The following STK36 variants were observed in gnomAD, a reference collection of about 807,000 sequenced individuals.
STK36 encodes serine/threonine-protein kinase 36.
STK36 carries 116 observed loss-of-function variants against 142.2 expected under a neutral mutation model. That is an observed-to-expected ratio of 0.82 (90% CI 0.70 to 0.95). STK36 has a LOEUF of 0.95. Among genes scored for constraint, STK36 ranks in the 40% least tolerant of loss-of-function variants. The probability of loss-of-function intolerance (pLI) is 0.00; values close to 1 mark genes in which losing one functional copy is unlikely to be tolerated. For missense variants in STK36, 1,422 were observed against 1,617.2 expected (o/e 0.88, Z 2.07); for synonymous variants, 619 against 641.7 (o/e 0.96, Z 0.53).
chr2:218,677,314 A>T (rs1940301033), intron 6 of STK36, among the ~76,000 whole-genome samples: 1 of 152,194 alleles, frequency 6.6e-6, no homozygotes, highest in Non-Finnish European at 1.5e-5. Flanking sequence ...GTCCTCCCCC[A>T]TGATCCAGTC....
At position 218,694,670 on chromosome 2, in the gene STK36, C is replaced by G; in HGVS notation, c.2511+35C>G. 1 of 1,577,080 alleles carries G rather than the reference C, an allele frequency of 6.3e-7. No homozygotes were observed. The highest frequency in any genetic ancestry group is 8.7e-7 in the Non-Finnish European group (1 of 1,146,496). On this transcript the variant is annotated intron_variant, in intron 21 of 26. Coordinates refer to ENST00000295709, the MANE Select transcript of STK36 (RefSeq NM_015690.5). The surrounding 1 kb of genome is among the most constrained non-coding windows in gnomAD (Gnocchi z 4.4). The stretch of plus-strand genomic sequence containing the variant: ...CCCAGGGAGGGCACAGACATGTTTT[C>G]TCTGAGTCAGACACTAGGACTGCAT...
Position 218,675,467 on chromosome 2 carries a change from A to C in STK36, c.428A>C (p.Asp143Ala). 1 of 1,605,854 alleles carries C rather than the reference A, an allele frequency of 6.2e-7. No homozygotes were observed. The highest frequency in any genetic ancestry group is 1.1e-5 in the South Asian group (1 of 90,900). ...LAKGGGIKLC[D>A]FGFARAMSTN... ...AAGGGTGGTGGCATCAAGCTCTGTG[A>C]CTTTGGGTAAAGATTCTGAGCATCC... Residue 143 changes from aspartate (D) to alanine (A), a missense_variant, in exon 5 of 27, where the codon GAC (aspartate) becomes GCC (alanine). Around this residue, in one of 2 missense-constraint regions of STK36, gnomAD observed 460 missense variants for 449.6 expected, o/e 1.02. Coordinates refer to ENST00000295709, the MANE Select transcript of STK36 (RefSeq NM_015690.5).
chr2:218,687,004 C>T (rs530012771), intron 11 of STK36, among the ~76,000 whole-genome samples: 5 of 152,276 alleles, frequency 3.3e-5, no homozygotes, highest in African/African-American at 1.2e-4. Flanking sequence ...AATTTACATT[C>T]CACTAATGAT....
At position 218,699,118 on chromosome 2, in the gene STK36, G is replaced by T. The variant is rs766383694; in HGVS notation, c.3574G>T (p.Ala1192Ser). 1.2e-6 allele frequency: 2 copies of T among 1,613,944 alleles called. No homozygotes were observed. The highest frequency in any genetic ancestry group is 1.7e-6 in the Non-Finnish European group (2 of 1,180,032). ...QAGPLGPALA[A>S]AVPSMTQLLG... is the part of the protein sequence containing the mutation. ...TGGTCCTCTGGGACCTGCCCTGGCA[G>T]CTGCAGTGCCCAGTATGACCCAGCT... Residue 1192 changes from alanine (A) to serine (S), a missense_variant, in exon 26 of 27, where the codon GCT becomes TCT. By Grantham distance (99) the Ala-to-Ser change is moderately conservative. Coordinates refer to ENST00000295709, the MANE Select transcript of STK36 (RefSeq NM_015690.5).
chr2:218,698,809 G>T lies in STK36; in HGVS notation c.3265G>T (p.Ala1089Ser). Residue 1089 changes from alanine to serine, a missense_variant, in exon 26 of 27, where the codon GCC becomes TCC. By Grantham distance (99) the Ala-to-Ser change is moderately conservative. Around this residue, in one of 2 missense-constraint regions of STK36, gnomAD observed 962 missense variants for 1,167.5 expected, o/e 0.82. Coordinates refer to ENST00000295709, the MANE Select transcript of STK36 (RefSeq NM_015690.5). Reference protein sequence around the residue: ...SDLLSLLAHTARVLSPSHLSF... With the variant: ...SDLLSLLAHTSRVLSPSHLSF... ...CCTTCTCTCTCTGCTGGCCCATACT[G>T]CCAGGGTCCTGTCTCCCAGCCACTT... 6.2e-7 allele frequency: 1 copy of T among 1,614,182 alleles called. No homozygotes were observed. The highest frequency in any genetic ancestry group is 8.5e-7 in the Non-Finnish European group (1 of 1,180,038).
At position 218,693,990 on chromosome 2, in the gene STK36, C is replaced by A; in HGVS notation, c.2336+7C>A. The stretch of plus-strand genomic sequence containing the variant: ...TCCAAAACCTGCCTTGTGGGTAAGT[C>A]ATAAAGTAGGGTGTCTCCACAGAAG... On this transcript the variant is annotated splice_region_variant and intron_variant, in intron 19 of 26. Coordinates refer to ENST00000295709, the MANE Select transcript of STK36 (RefSeq NM_015690.5). 1 of 1,614,052 alleles carries A rather than the reference C, an allele frequency of 6.2e-7. No individual in the cohort carries two copies. The highest frequency in any genetic ancestry group is 1.1e-5 in the South Asian group (1 of 91,070).
chr2:218,682,545 A>T (rs897195761), intron 10 of STK36, among the ~76,000 whole-genome samples: 23 of 151,886 alleles, frequency 1.5e-4, no homozygotes, highest in African/African-American at 4.4e-4. Context: ...CGTTATGAAA[A>T]TTTTTTTTCT....
At position 218,673,683 on chromosome 2, in the gene STK36, T is replaced by G. The variant is rs1327545889; in HGVS notation, c.143T>G (p.Leu48Trp). The change falls in exon 3 of 27, where the codon TTG becomes TGG. Residue 48 changes from leucine (L) to tryptophan (W), a missense_variant. By Grantham distance (61) the Leu-to-Trp change is moderately conservative. Around this residue, in one of 2 missense-constraint regions of STK36, gnomAD observed 460 missense variants for 449.6 expected, o/e 1.02. Coordinates refer to ENST00000295709, the MANE Select transcript of STK36 (RefSeq NM_015690.5). ...LGRSEKELRNLQREIEIMRGL... is the reference protein window; with the variant it reads ...LGRSEKELRNWQREIEIMRGL... ...CGCTCAGAGAAGGAGCTGAGGAATT[T>G]GCAACGAGAGATTGAAATAATGCGG... The G allele has an allele frequency of 6.2e-7, 1 of 1,614,172 alleles. No individual in the cohort carries two copies. The highest frequency in any genetic ancestry group is 1.1e-5 in the South Asian group (1 of 91,086).
chr2:218,691,564 CTT>C (rs150534089), intron 14 of STK36, among the ~76,000 whole-genome samples: 1 of 147,776 alleles, frequency 6.8e-6, no homozygotes, highest in Non-Finnish European at 1.5e-5. Flanking sequence ...CTTTTCTTTC[CTT>C]TTTTTTTTGG....
rs773355472 is a variant in STK36, at chr2:218,694,023, G to A, written c.2336+40G>A. On this transcript the variant is annotated intron_variant, in intron 19 of 26. Coordinates refer to ENST00000295709, the MANE Select transcript of STK36 (RefSeq NM_015690.5). This position sits in a 1 kb window ranked among gnomAD's most constrained non-coding sequence, Gnocchi z 4.4. ...AGGGTGTCTCCACAGAAGTCTTCTA[G>A]CCACATAGCTAACCCTCACAAAGAG... The A allele has an allele frequency of 2.5e-6, 4 of 1,584,034 alleles. No homozygotes were observed. Among genetic ancestry groups the A allele is most frequent in the Non-Finnish European group, 2.6e-6 (3 of 1,152,822 alleles).
chr2:218,697,510 C>G lies in STK36; in HGVS notation c.2809C>G (p.Pro937Ala). The G allele has an allele frequency of 6.2e-7, 1 of 1,614,174 alleles. No individual in the cohort carries two copies. The highest frequency in any genetic ancestry group is 1.3e-5 in the African/African-American group (1 of 75,044). The change falls in exon 24 of 27, where the codon CCC becomes GCC. Residue 937 changes from proline (P) to alanine (A), a missense_variant. Physicochemically the swap from Pro to Ala is conservative, Grantham distance 27. Around this residue, in one of 2 missense-constraint regions of STK36, gnomAD observed 962 missense variants for 1,167.5 expected, o/e 0.82. Coordinates refer to ENST00000295709, the MANE Select transcript of STK36 (RefSeq NM_015690.5). ...GGCCATGGCCACCTTTACCCAGGAG[C>G]CCCAGTTATGCCTGAGCTGCCTGTC... is the stretch of plus-strand genomic sequence containing the variant. ...SLAMATFTQE[P>A]QLCLSCLSQH...
chr2:218,684,106 CT>C (rs35807157), intron 10 of STK36, among the ~76,000 whole-genome samples: 5,534 of 105,122 alleles, frequency 0.053, 290 homozygotes, highest in African/African-American at 0.2. Context: ...GCCTCACGAT[CT>C]TTTTTTTTTT....
intron 10 of STK36, among the ~76,000 whole-genome samples, chr2:218,681,924 A>AT (rs564825759): frequency 1.6e-4 from 24 of 150,726 alleles, no homozygotes; most frequent in Non-Finnish European, 3.1e-4. Flanking sequence ...AACACTTTTT[A>AT]TTTATTTTTT....
At position 218,694,272 on chromosome 2, in the gene STK36, A is replaced by C; in HGVS notation, c.2345A>C (p.Lys782Thr). ...GTATCTCTTTATTCCAGAATGGAGAAGCTAGGCAGTGACGTTGCTACTCTC... is the reference window on the plus strand; with the variant it reads ...GTATCTCTTTATTCCAGAATGGAGACGCTAGGCAGTGACGTTGCTACTCTC... Reference protein sequence around the residue: ...RLQNLPCGMEKLGSDVATLFT... With the variant: ...RLQNLPCGMETLGSDVATLFT... The change falls in exon 20 of 27, where the codon AAG becomes ACG. Residue 782 changes from lysine (K) to threonine (T), a missense_variant. Physicochemically the swap from Lys to Thr is moderately conservative, Grantham distance 78. Around this residue, in one of 2 missense-constraint regions of STK36, gnomAD observed 962 missense variants for 1,167.5 expected, o/e 0.82. Coordinates refer to ENST00000295709, the MANE Select transcript of STK36 (RefSeq NM_015690.5). This position sits in a 1 kb window ranked among gnomAD's most constrained non-coding sequence, Gnocchi z 4.4. 1 of 1,613,976 alleles carries C rather than the reference A, an allele frequency of 6.2e-7. No individual in the cohort carries two copies. Among genetic ancestry groups the C allele is most frequent in the Non-Finnish European group, 8.5e-7 (1 of 1,179,832 alleles).
Position 218,698,987 on chromosome 2 carries a change from A to G in STK36, c.3443A>G (p.Gln1148Arg). ...QHSMALRGAL[Q>R]SQSGLLSLLL... ...AGCATGGCCCTGCGTGGGGCACTGC[A>G]GAGCCAGTCTGGACTGCTCAGCCTT... is the stretch of plus-strand genomic sequence containing the variant. Residue 1148 changes from glutamine (Q) to arginine (R), a missense_variant, in exon 26 of 27, where the codon CAG becomes CGG. Gln to Arg is a conservative substitution (Grantham distance 43). Coordinates refer to ENST00000295709, the MANE Select transcript of STK36 (RefSeq NM_015690.5). The G allele has an allele frequency of 1.9e-6, 3 of 1,614,194 alleles. No individual in the cohort carries two copies. The highest frequency in any genetic ancestry group is 2.5e-6 in the Non-Finnish European group (3 of 1,180,038).
chr2:218,679,122 A>C (rs377133004), intron 6 of STK36, 46 bp from the exon 7 acceptor site: 2 of 1,573,216 alleles, frequency 1.3e-6, no homozygotes, highest in African/African-American at 2.7e-5. Flanking sequence ...AGAGAGACTT[A>C]AGGGAAGGGA....
chr2:218,695,487 C>G (rs1305306145), intron 21 of STK36, among the ~76,000 whole-genome samples: 1 of 143,342 alleles, frequency 7.0e-6, no homozygotes, highest in African/African-American at 2.6e-5. Context: ...CTCGGCCTCT[C>G]AAAGTGCTGG....
rs905605467 is a variant in STK36, at chr2:218,700,769, T to G, written c.3805-1097T>G. 3.3e-5 allele frequency among the ~76,000 whole-genome samples: 5 copies of G among 150,960 alleles called. 1 individual carries two copies. The highest frequency in any genetic ancestry group is 3.3e-4 in the Admixed American group (5 of 15,204). ...GCTCTTGCCTGTAATCCCAGCACTT[T>G]GGGAGACTGAGGTGGGCGGATCACT... On this transcript the variant is annotated intron_variant, in intron 26 of 26. Coordinates refer to ENST00000295709, the MANE Select transcript of STK36 (RefSeq NM_015690.5).
intron 15 of STK36, 124 bp from the exon 16 acceptor site, chr2:218,692,459 T>C: frequency 6.7e-7 from 1 of 1,493,044 alleles, no homozygotes; most frequent in Non-Finnish European, 9.0e-7. Context: ...CAAACAGACC[T>C]CATCCTGCAT....
Sources: gnomAD v4.1 joint callset for allele counts (sites outside exome capture counted in the v4.1 genomes callset) on GRCh38, gnomAD v4.1.1 for gene constraint, gnomAD v4.1.1 regional missense constraint, Gnocchi (gnomAD v3.1) non-coding constraint, MANE v1.5 for transcripts, NCBI Gene and HGNC (gene_info 2026-07-23, HGNC 2026-07-21) for gene names.